Variants in ZNF429 observed in about 807,000 individuals in gnomAD.
ZNF429 encodes zinc finger protein 429.
ZNF429 carries 53 observed loss-of-function variants against 56.8 expected under a neutral mutation model. That is an observed-to-expected ratio of 0.93 (90% CI 0.75 to 1.17). ZNF429 has a LOEUF of 1.17. ZNF429 is among the 50% of genes most tolerant of loss of function. The pLI is 0.00. For synonymous variants in ZNF429, 278 were observed against 264.7 expected, an observed-to-expected ratio of 1.05 and a Z score of -0.49; for missense variants, 849 against 788.4, an observed-to-expected ratio of 1.08 and a Z score of -0.92.
At chr19:21,528,643 T>G (rs927988729) in intron 1 of ZNF429, among the ~76,000 whole-genome samples, 3 of 151,804 alleles carry the variant, frequency 2.0e-5, no homozygotes, top group Non-Finnish European at 4.4e-5. Context: ...AGGTGGAGGT[T>G]GCAGTGAGCC....
chr19:21,521,074 G>T (rs1435555281), intron 1 of ZNF429, among the ~76,000 whole-genome samples: 1 of 152,108 alleles, frequency 6.6e-6, no homozygotes, highest in Non-Finnish European at 1.5e-5. Flanking sequence ...TTTATACATA[G>T]ATATTTGTAT....
intron 1 of ZNF429, among the ~76,000 whole-genome samples, chr19:21,519,734 T>TAAA (rs2032915977): frequency 6.6e-6 from 1 of 152,196 alleles, no homozygotes; most frequent in South Asian, 2.1e-4. Context: ...CTATCGGTCT[T>TAAA]TCCAGTCTCC....
intron 1 of ZNF429, among the ~76,000 whole-genome samples, chr19:21,514,886 A>G (rs1269519481): frequency 6.6e-6 from 1 of 152,070 alleles, no homozygotes; most frequent in Admixed American, 6.6e-5. Flanking sequence ...GGCATGAGCC[A>G]CTGTGCCTGG....
At chr19:21,518,556 T>C (rs530014137) in intron 1 of ZNF429, 3 of 152,274 alleles carry the variant, frequency 2.0e-5, no homozygotes, top group African/African-American at 7.2e-5. Context: ...AATTATATCT[T>C]TTTTTTTCTT....
intron 1 of ZNF429, among the ~76,000 whole-genome samples, chr19:21,524,142 A>G (rs911691896): frequency 6.6e-6 from 1 of 152,172 alleles, no homozygotes; most frequent in South Asian, 2.1e-4. Context: ...AATAGAATCT[A>G]ATGTCAGATT....
In ZNF429 at chr19:21,537,212, CA is replaced by C; in HGVS notation, c.1160del (p.His387LeufsTer297). ...AFNQSSRLTR[H>X]KKIHTGEEPY... ...TAACCAGTCTTCAAGACTTACTCGA[CA>C]TAAAAAAATTCATACTGGAGAGGAA... On this transcript the variant is annotated frameshift_variant, in exon 4 of 4. Coordinates refer to ENST00000358491, the MANE Select transcript of ZNF429 (RefSeq NM_001001415.4). LOFTEE classifies it high-confidence loss of function. 40 of 1,613,706 alleles carry C rather than the reference CA, an allele frequency of 2.5e-5. No homozygotes were observed. The highest frequency in any genetic ancestry group is 3.4e-5 in the Non-Finnish European group (40 of 1,179,858).
chr19:21,536,143 TA>T, intron 3 of ZNF429, 136 bp from the exon 4 acceptor site: 1 of 887,470 alleles, frequency 1.1e-6, no homozygotes, highest in East Asian at 2.7e-5. Context: ...TTTATATGTT[TA>T]TGAAGAAATT....
intron 1 of ZNF429, among the ~76,000 whole-genome samples, chr19:21,517,697 AT>A (rs796843971): frequency 1.1e-4 from 7 of 62,410 alleles, no homozygotes; most frequent in East Asian, 7.7e-4. Context: ...TTTCTTTTAG[AT>A]TTTTTTTTTA....
intron 3 of ZNF429, among the ~76,000 whole-genome samples, chr19:21,531,130 CCAAAAAAAAA>C: frequency 5.3e-5 from 6 of 113,160 alleles, no homozygotes; most frequent in Non-Finnish European, 3.7e-5. Context: ...AAAAAAAAAA[CCAAAAAAAAA>C]AAAACACCCG....
At position 21,538,007 on chromosome 19, in the gene ZNF429, T is replaced by C; in HGVS notation, c.1954T>C (p.Cys652Arg). The change falls in exon 4 of 4, where the codon TGT (cysteine) becomes CGT (arginine). Residue 652 changes from cysteine to arginine, a missense_variant. Coordinates refer to ENST00000358491, the MANE Select transcript of ZNF429 (RefSeq NM_001001415.4). Reference protein sequence around the residue: ...IHRMGVVAHACNPSTLGGRGG... With the variant: ...IHRMGVVAHARNPSTLGGRGG... Reference sequence around the variant, plus strand: ...TAGGATGGGTGTGGTGGCTCATGCCTGTAATCCCAGCACTTTGGGAGGCAG... The same window carrying C: ...TAGGATGGGTGTGGTGGCTCATGCCCGTAATCCCAGCACTTTGGGAGGCAG... The C allele has an allele frequency of 6.2e-7, 1 of 1,612,736 alleles. No individual in the cohort carries two copies.
intron 1 of ZNF429, among the ~76,000 whole-genome samples, chr19:21,524,277 C>G (rs975030542): frequency 6.6e-6 from 1 of 152,216 alleles, no homozygotes; most frequent in Non-Finnish European, 1.5e-5. Flanking sequence ...CGCCTATAAT[C>G]CCAGGACTTT....
intron 2 of ZNF429, among the ~76,000 whole-genome samples, chr19:21,530,071 G>C: frequency 6.6e-6 from 1 of 151,918 alleles, no homozygotes; most frequent in African/African-American, 2.4e-5. Flanking sequence ...GGCACCTGTA[G>C]TCCCAGCTAC....
intron 1 of ZNF429, among the ~76,000 whole-genome samples, chr19:21,526,772 C>G (rs897962191): frequency 6.6e-6 from 1 of 152,160 alleles, no homozygotes; most frequent in Non-Finnish European, 1.5e-5. Flanking sequence ...CTTGTATCAG[C>G]CCACTTGGGG....
chr19:21,538,006 C>T lies in ZNF429; in HGVS notation c.1953C>T (p.Ala651=). The change falls in exon 4 of 4, where the codon GCC becomes GCT. Residue 651 remains alanine, a synonymous_variant. Transcript: ENST00000358491. The stretch of plus-strand genomic sequence containing the variant: ...ATAGGATGGGTGTGGTGGCTCATGC[C>T]TGTAATCCCAGCACTTTGGGAGGCA... ...KIHRMGVVAH[A]CNPSTLGGRG... 1 of 1,613,012 alleles carries T rather than the reference C, an allele frequency of 6.2e-7. No individual in the cohort carries two copies. Among genetic ancestry groups the T allele is most frequent in the South Asian group, 1.1e-5 (1 of 91,006 alleles).
At chr19:21,517,400 T>G (rs2032794948) in intron 1 of ZNF429, among the ~76,000 whole-genome samples, 1 of 146,998 alleles carries the variant, frequency 6.8e-6, no homozygotes, top group Non-Finnish European at 1.5e-5. Context: ...TGAGTTTTCT[T>G]TTTTTTGTTT....
At chr19:21,515,471 G>C (rs1032459066) in intron 1 of ZNF429, among the ~76,000 whole-genome samples, 2 of 151,692 alleles carry the variant, frequency 1.3e-5, no homozygotes, top group South Asian at 4.2e-4. Flanking sequence ...AGTTCCTTTT[G>C]AATTCTGGAT....
chr19:21,529,963 C>T, intron 2 of ZNF429, among the ~76,000 whole-genome samples, 179 bp downstream of exon 2: 2 of 152,080 alleles, frequency 1.3e-5, no homozygotes, highest in African/African-American at 4.8e-5. Flanking sequence ...TTTGGGAGGC[C>T]AAGGCGGGTG....
At chr19:21,513,202 A>G (rs570779516) in intron 1 of ZNF429, among the ~76,000 whole-genome samples, 55 of 152,226 alleles carry the variant, frequency 3.6e-4, no homozygotes, top group Non-Finnish European at 6.3e-4. Flanking sequence ...GTTTCTTTCC[A>G]TAAACTGTTT....
chr19:21,536,559 G>T lies in ZNF429; in HGVS notation c.506G>T (p.Gly169Val). ...NADRYKTRHT[G>V]KKPFQCKKCG... ...GATAGATACAAGACAAGACATACTGGAAAGAAACCTTTCCAGTGTAAAAAA... is the reference window on the plus strand; with the variant it reads ...GATAGATACAAGACAAGACATACTGTAAAGAAACCTTTCCAGTGTAAAAAA... Residue 169 changes from glycine (G) to valine (V), a missense_variant, in exon 4 of 4, where the codon GGA (glycine) becomes GTA (valine). Physicochemically the swap from Gly to Val is moderately radical, Grantham distance 109. Coordinates refer to ENST00000358491, the MANE Select transcript of ZNF429 (RefSeq NM_001001415.4). 1 of 1,613,604 alleles carries T rather than the reference G, an allele frequency of 6.2e-7. No homozygotes were observed. Among genetic ancestry groups the T allele is most frequent in the Non-Finnish European group, 8.5e-7 (1 of 1,179,860 alleles).
Sources: allele counts gnomAD v4.1 joint callset (sites outside exome capture counted in the v4.1 genomes callset), GRCh38; gene constraint gnomAD v4.1.1; transcripts MANE v1.5; gene names NCBI Gene and HGNC (gene_info 2026-07-23, HGNC 2026-07-21).